Variants in PPP3CA observed in about 807,000 individuals in gnomAD.
The protein encoded by PPP3CA is protein phosphatase 3 catalytic subunit alpha, also known as CAM-PRP catalytic subunit.
A neutral mutation model predicts 66.5 loss-of-function variants in PPP3CA; 14 were observed. The observed-to-expected ratio is 0.21, with a 90% CI of 0.14 to 0.33. PPP3CA has a LOEUF of 0.33. PPP3CA is among the 10% of genes least tolerant of loss of function. PPP3CA has a pLI of 1.00. For missense variants in PPP3CA, 317 were observed against 639.5 expected (o/e 0.50, Z 5.44); for synonymous variants, 232 against 226.2 (o/e 1.03, Z -0.23).
chr4:101,198,056 T>A (rs902440076), intron 1 of PPP3CA, among the ~76,000 whole-genome samples: 1 of 152,100 alleles, frequency 6.6e-6, no homozygotes, highest in Non-Finnish European at 1.5e-5. Context: ...TATAGTACAA[T>A]AGATACATAA....
chr4:101,161,230 G>T (rs1478159891), intron 2 of PPP3CA, among the ~76,000 whole-genome samples: 3 of 152,090 alleles, frequency 2.0e-5, no homozygotes, highest in Admixed American at 6.6e-5. Context: ...CTAGGTTTGT[G>T]TAAATACACC....
At chr4:101,287,611 C>T (rs1727885553) in intron 1 of PPP3CA, among the ~76,000 whole-genome samples, 1 of 152,156 alleles carries the variant, frequency 6.6e-6, no homozygotes, top group South Asian at 2.1e-4. Flanking sequence ...ACAAAGTCCT[C>T]TGCTTAAAGG....
At chr4:101,179,538 T>C (rs948326330) in intron 2 of PPP3CA, among the ~76,000 whole-genome samples, 2 of 152,050 alleles carry the variant, frequency 1.3e-5, no homozygotes, top group African/African-American at 2.4e-5. Flanking sequence ...TGTGTAATGG[T>C]TGGAAGCCAT....
At chr4:101,315,028 C>T (rs2110315061) in intron 1 of PPP3CA, among the ~76,000 whole-genome samples, 1 of 152,130 alleles carries the variant, frequency 6.6e-6, no homozygotes, top group South Asian at 2.1e-4. Context: ...ATTTGTGCTC[C>T]CCCCAAAATT....
intron 6 of PPP3CA, among the ~76,000 whole-genome samples, chr4:101,093,220 T>C (rs1330111751): frequency 6.6e-6 from 1 of 152,204 alleles, no homozygotes; most frequent in Non-Finnish European, 1.5e-5. Context: ...ATGAGCATTT[T>C]TTCATTGTTT....
intron 11 of PPP3CA, among the ~76,000 whole-genome samples, chr4:101,037,862 T>C (rs1010816085): frequency 6.6e-6 from 1 of 152,224 alleles, no homozygotes. Context: ...TTCATGTCTT[T>C]TGCTAGTCAG....
chr4:101,055,690 T>C (rs1169938819), intron 10 of PPP3CA, among the ~76,000 whole-genome samples: 1 of 152,092 alleles, frequency 6.6e-6, no homozygotes, highest in Non-Finnish European at 1.5e-5. Context: ...AGAAGACTTT[T>C]TGTCTGCTCA....
intron 1 of PPP3CA, among the ~76,000 whole-genome samples, chr4:101,237,852 T>C (rs1229888278): frequency 6.6e-6 from 1 of 152,058 alleles, no homozygotes; most frequent in African/African-American, 2.4e-5. Context: ...AGCTGCTGAC[T>C]ACTCACAGCT....
rs1393413772 is a variant in PPP3CA, at chr4:101,108,880, A to G, written c.384+74T>C. 7.5e-6 allele frequency: 11 copies of G among 1,457,518 alleles called. No individual in the cohort carries two copies. In the Admixed American group the frequency reaches 2.0e-4, roughly 26 times the overall value. 90.3% of individuals were successfully genotyped at this position (1,457,518 alleles called of 1,614,324 possible). ...TTAGAGGTTTCCATAAGGCAATAAC[A>G]TTTACTGCTTTTATTTTTTTGAGAT... On this transcript the variant is annotated intron_variant, in intron 3 of 13. Transcript: ENST00000394854.
At chr4:101,225,459 T>C (rs1725751989) in intron 1 of PPP3CA, among the ~76,000 whole-genome samples, 1 of 151,862 alleles carries the variant, frequency 6.6e-6, no homozygotes, top group Non-Finnish European at 1.5e-5. Context: ...TTACAAGCCT[T>C]GGTTACCAAG....
chr4:101,223,004 G>A (rs1725672741), intron 1 of PPP3CA, among the ~76,000 whole-genome samples: 1 of 151,668 alleles, frequency 6.6e-6, no homozygotes, highest in African/African-American at 2.4e-5. Context: ...GTCTATTAAT[G>A]CACATTACTT....
intron 8 of PPP3CA, among the ~76,000 whole-genome samples, chr4:101,076,733 T>C (rs1578424269): frequency 6.6e-6 from 1 of 152,194 alleles, no homozygotes; most frequent in East Asian, 1.9e-4. Flanking sequence ...ATAGTGAAAT[T>C]ATAAATAAGA....
chr4:101,107,606 C>T (rs1465031452), intron 3 of PPP3CA, among the ~76,000 whole-genome samples: 3 of 152,092 alleles, frequency 2.0e-5, no homozygotes, highest in East Asian at 3.8e-4. Context: ...ATTATGTTGG[C>T]GGAAATACAT....
At chr4:101,034,941 T>C (rs1281277038) in intron 11 of PPP3CA, among the ~76,000 whole-genome samples, 1 of 152,112 alleles carries the variant, frequency 6.6e-6, no homozygotes, top group Non-Finnish European at 1.5e-5. Flanking sequence ...AATTCCTACA[T>C]ACAAAATCTT....
intron 2 of PPP3CA, among the ~76,000 whole-genome samples, chr4:101,109,938 A>T (rs969004011): frequency 1.2e-4 from 19 of 152,166 alleles, no homozygotes; most frequent in Non-Finnish European, 8.8e-5. Flanking sequence ...CAGATAATGA[A>T]ATAATATAGC....
intron 1 of PPP3CA, among the ~76,000 whole-genome samples, chr4:101,303,075 A>G (rs998064696): frequency 7.2e-5 from 11 of 152,192 alleles, no homozygotes; most frequent in Non-Finnish European, 1.2e-4. Flanking sequence ...AAGAGATTCA[A>G]TCTCCACTGT....
intron 1 of PPP3CA, among the ~76,000 whole-genome samples, chr4:101,286,524 C>T (rs1727852493): frequency 6.6e-6 from 1 of 152,110 alleles, no homozygotes; most frequent in South Asian, 2.1e-4. Context: ...TGGAATCTCA[C>T]AAATGGAAGT....
At chr4:101,133,656 T>C (rs1293363976) in intron 2 of PPP3CA, among the ~76,000 whole-genome samples, 1 of 152,060 alleles carries the variant, frequency 6.6e-6, no homozygotes, top group Non-Finnish European at 1.5e-5. Flanking sequence ...ATCATGAAAA[T>C]GGCCATACTG....
chr4:101,085,302 C>CT lies in PPP3CA; in HGVS notation c.783-2040dup, dbSNP rs547091793. Among the ~76,000 whole-genome samples the CT allele has an allele frequency of 1.9e-4, 29 of 152,224 alleles. No homozygotes were observed. In the East Asian group the frequency reaches 4.1e-3, roughly 21 times the overall value. ...ACAGGTTGCCTGACTATGTCTGTCA[C>CT]TTTTTTGCCCTTGGTAAACGACTTA... is the stretch of plus-strand genomic sequence containing the variant. On this transcript the variant is annotated intron_variant, in intron 6 of 13. Coordinates refer to ENST00000394854, the MANE Select transcript of PPP3CA (RefSeq NM_000944.5).
Sources: gnomAD v4.1 joint callset for allele counts (sites outside exome capture counted in the v4.1 genomes callset) on GRCh38, gnomAD v4.1.1 for gene constraint, MANE v1.5 for transcripts, NCBI Gene and HGNC (gene_info 2026-07-23, HGNC 2026-07-21) for gene names.